The following ARHGAP21 variants were observed in gnomAD, a reference collection of about 807,000 sequenced individuals.
ARHGAP21 encodes the protein rho GTPase-activating protein 21.
In ARHGAP21, 38 loss-of-function variants were observed where a neutral mutation model predicts 164.6. The ratio of observed to expected loss-of-function variants is 0.23; its 90% CI spans 0.18 to 0.30. The LOEUF (loss-of-function observed/expected upper bound fraction) is 0.30. Among genes scored for constraint, ARHGAP21 ranks in the 10% least tolerant of loss-of-function variants. The probability of loss-of-function intolerance (pLI) is 1.00; values close to 1 mark genes in which losing one functional copy is unlikely to be tolerated. For missense variants in ARHGAP21, 1,822 were observed against 2,370.7 expected (o/e 0.77, Z 4.81); for synonymous variants, 766 against 857.9 (o/e 0.89, Z 1.87).
Position 24,674,714 on chromosome 10 carries a change from TAC to T in ARHGAP21, c.64-4319_64-4318del, listed in dbSNP as rs200032243. On this transcript the variant is annotated intron_variant, in intron 2 of 25. Coordinates refer to ENST00000396432, the MANE Select transcript of ARHGAP21 (RefSeq NM_020824.4). ...AAATATATATATTTTATGAAAAGTATACACACACACACACACGTATATACATA... is the reference window on the plus strand; with the variant it reads ...AAATATATATATTTTATGAAAAGTATACACACACACACACGTATATACATA... Among the ~76,000 whole-genome samples, 335 of 151,236 alleles carry T rather than the reference TAC, an allele frequency of 2.2e-3. 1 individual carries two copies. The highest frequency in any genetic ancestry group is 7.8e-3 in the African/African-American group (321 of 41,284).
intron 4 of ARHGAP21, chr10:24,640,336 TG>T (rs1836874080): frequency 6.6e-6 from 1 of 151,378 alleles, no homozygotes; most frequent in South Asian, 2.1e-4. Flanking sequence ...TGGTTATAAC[TG>T]AGATTGAGCT....
chr10:24,664,013 C>A (rs1839948087), intron 4 of ARHGAP21, among the ~76,000 whole-genome samples: 1 of 152,184 alleles, frequency 6.6e-6, no homozygotes, highest in Non-Finnish European at 1.5e-5. Context: ...GCGCTTTAAG[C>A]TGAATGAGAC....
intron 11 of ARHGAP21, chr10:24,605,676 A>G (rs1037531214): frequency 1.3e-5 from 2 of 152,196 alleles, no homozygotes; most frequent in Non-Finnish European, 2.9e-5. Context: ...CTTTAACATA[A>G]GGTTCAGTAT....
chr10:24,719,628 TATTG>T (rs1845735943), intron 2 of ARHGAP21, among the ~76,000 whole-genome samples: 1 of 152,214 alleles, frequency 6.6e-6, no homozygotes, highest in South Asian at 2.1e-4. Context: ...CCAAACACAT[TATTG>T]ATTTTTAAAA....
intron 9 of ARHGAP21, among the ~76,000 whole-genome samples, chr10:24,617,286 C>T (rs990796234): frequency 2.6e-5 from 4 of 152,056 alleles, no homozygotes; most frequent in African/African-American, 9.7e-5. Flanking sequence ...ATATCCAGCA[C>T]ATTTTTTTAC....
chr10:24,599,961 A>T (rs1198063176), intron 14 of ARHGAP21, among the ~76,000 whole-genome samples: 2 of 151,918 alleles, frequency 1.3e-5, no homozygotes. Flanking sequence ...GTGAAACCCC[A>T]TCACTACTAA....
At chr10:24,598,120 T>C in intron 14 of ARHGAP21, 111 bp from the exon 15 acceptor site, 1 of 780,472 alleles carries the variant, frequency 1.3e-6, no homozygotes, top group Non-Finnish European at 2.0e-6. Context: ...AACACTACTA[T>C]CATCTGTTCT....
chr10:24,631,729 T>G (rs117207597), intron 6 of ARHGAP21, among the ~76,000 whole-genome samples: 3,853 of 152,326 alleles, frequency 0.025, 72 homozygotes, highest in Non-Finnish European at 0.037. Flanking sequence ...TTTGTTGTTT[T>G]TGTTTTGAGA....
At chr10:24,701,156 A>G (rs1843635025) in intron 2 of ARHGAP21, among the ~76,000 whole-genome samples, 1 of 152,204 alleles carries the variant, frequency 6.6e-6, no homozygotes, top group South Asian at 2.1e-4. Flanking sequence ...AAGAGGAAGG[A>G]GCTTCAGGGA....
At chr10:24,591,191 G>A (rs780417513) in intron 24 of ARHGAP21, 34 bp downstream of exon 24, 1 of 1,499,936 alleles carries the variant, frequency 6.7e-7, no homozygotes, top group Non-Finnish European at 9.2e-7. Flanking sequence ...GTAGCTTTCA[G>A]CCTAGAGGTC....
chr10:24,710,571 C>T (rs1459107192), intron 2 of ARHGAP21, among the ~76,000 whole-genome samples: 1 of 131,248 alleles, frequency 7.6e-6, no homozygotes, highest in African/African-American at 3.0e-5. Flanking sequence ...AGGTAGGAAC[C>T]AGACTATGTC....
intron 4 of ARHGAP21, among the ~76,000 whole-genome samples, chr10:24,655,565 C>G (rs865787300): frequency 5.2e-4 from 79 of 152,070 alleles, no homozygotes; most frequent in African/African-American, 1.5e-3. Flanking sequence ...CCGCGGGGCC[C>G]GAGGGCAAGG....
At chr10:24,628,983 T>TATATATATATATATATATATA (rs58780222) in intron 7 of ARHGAP21, 4 of 11,202 alleles carry the variant, frequency 3.6e-4, no homozygotes, top group African/African-American at 1.7e-3. Flanking sequence ...TATATATATA[T>TATATATATATATATATATATA]TTTTTTTTTT....
At chr10:24,713,723 T>C (rs936234592) in intron 2 of ARHGAP21, among the ~76,000 whole-genome samples, 1 of 151,756 alleles carries the variant, frequency 6.6e-6, no homozygotes, top group African/African-American at 2.4e-5. Context: ...TCCTCCCGAC[T>C]CTACCTCCCA....
chr10:24,681,570 C>T (rs1841756364), intron 2 of ARHGAP21, among the ~76,000 whole-genome samples: 1 of 152,018 alleles, frequency 6.6e-6, no homozygotes, highest in Non-Finnish European at 1.5e-5. Flanking sequence ...TAAAAGATAA[C>T]TGGTATTGAT....
At chr10:24,618,556 A>G (rs1169298827) in intron 9 of ARHGAP21, among the ~76,000 whole-genome samples, 2 of 152,180 alleles carry the variant, frequency 1.3e-5, no homozygotes, top group African/African-American at 4.8e-5. Flanking sequence ...GTCATGAGGA[A>G]GACAGAGGCT....
Position 24,607,832 on chromosome 10 carries a change from T to G in ARHGAP21, c.2494A>C (p.Thr832Pro). 1 of 1,613,974 alleles carries G rather than the reference T, an allele frequency of 6.2e-7. No homozygotes were observed. The highest frequency in any genetic ancestry group is 8.5e-7 in the Non-Finnish European group (1 of 1,179,968). Residue 832 changes from threonine to proline, a missense_variant, in exon 10 of 26, where the codon ACC becomes CCC. Thr to Pro is a conservative substitution (Grantham distance 38, BLOSUM62 -1). Coordinates refer to ENST00000396432, the MANE Select transcript of ARHGAP21 (RefSeq NM_020824.4). ...GTTGCTATGGAGGGGACCTGAGAGG[T>G]AGAGGCTGATATAACAGCAGAGGCA... ...IPASAVISAS[T>P]SQVPSIATVP...
At chr10:24,592,308 C>T (rs2076369716) in intron 21 of ARHGAP21, among the ~76,000 whole-genome samples, 2 of 151,986 alleles carry the variant, frequency 1.3e-5, no homozygotes, top group African/African-American at 2.4e-5. Flanking sequence ...AGCAGTTCTC[C>T]AGCCTCAAGT....
chr10:24,624,584 C>T (rs1235807681), intron 7 of ARHGAP21, among the ~76,000 whole-genome samples: 2 of 151,968 alleles, frequency 1.3e-5, no homozygotes, highest in Non-Finnish European at 2.9e-5. Flanking sequence ...AAGTGATCCA[C>T]CTGCCTCGGA....
Sources: allele counts gnomAD v4.1 joint callset (sites outside exome capture counted in the v4.1 genomes callset), GRCh38; gene constraint gnomAD v4.1.1; transcripts MANE v1.5; gene names NCBI Gene and HGNC (gene_info 2026-07-23, HGNC 2026-07-21).